DGKB: variants seen among roughly 807,000 people sequenced by gnomAD.
The protein encoded by DGKB is diacylglycerol kinase beta, also known as 90 kDa diacylglycerol kinase.
A neutral mutation model predicts 114.3 loss-of-function variants in DGKB; 67 were observed. That is an observed-to-expected ratio of 0.59 (90% CI 0.48 to 0.72). The LOEUF is 0.72. DGKB is among the 30% of genes least tolerant of loss of function. The pLI is 0.00. For synonymous variants in DGKB, 398 were observed against 323.1 expected, an observed-to-expected ratio of 1.23 and a Z score of -2.49; for missense variants, 907 against 975.2, an observed-to-expected ratio of 0.93 and a Z score of 0.93.
At chr7:14,887,233 G>A (rs1413972536) in intron 1 of DGKB, among the ~76,000 whole-genome samples, 4 of 151,764 alleles carry the variant, frequency 2.6e-5, no homozygotes, top group Non-Finnish European at 5.9e-5. Flanking sequence ...GGCCAGCAAA[G>A]ATCCATCTTT....
At chr7:14,380,213 C>T (rs1353558100) in intron 21 of DGKB, among the ~76,000 whole-genome samples, 5 of 151,410 alleles carry the variant, frequency 3.3e-5, no homozygotes, top group African/African-American at 1.2e-4. Flanking sequence ...ATTTAGAAAC[C>T]CCTTTTCAAT....
intron 2 of DGKB, among the ~76,000 whole-genome samples, chr7:14,776,420 G>T (rs1259769815): frequency 6.6e-6 from 1 of 152,194 alleles, no homozygotes; most frequent in Non-Finnish European, 1.5e-5. Flanking sequence ...ACCATCACAG[G>T]CCAGGAGGCC....
chr7:14,392,989 G>GTTTTTTTTTTTTTTTTT (rs776845811), intron 21 of DGKB, among the ~76,000 whole-genome samples: 11 of 10,178 alleles, frequency 1.1e-3, no homozygotes, highest in Admixed American at 2.0e-3. Context: ...CCTGTTTTTT[G>GTTTTTTTTTTTTTTTTT]TTTTTGTTTT....
chr7:14,412,852 G>A (rs1223963163), intron 21 of DGKB, among the ~76,000 whole-genome samples: 1 of 151,870 alleles, frequency 6.6e-6, no homozygotes, highest in Non-Finnish European at 1.5e-5. Context: ...GTGATGGTGC[G>A]TGCCTGTAAT....
intron 13 of DGKB, among the ~76,000 whole-genome samples, chr7:14,638,922 T>C (rs1297398974): frequency 1.3e-5 from 2 of 151,986 alleles, no homozygotes; most frequent in Non-Finnish European, 2.9e-5. Flanking sequence ...CTTGTAATCA[T>C]GGCTACTCAG....
chr7:14,364,271 C>T (rs1816265872), intron 21 of DGKB, among the ~76,000 whole-genome samples: 1 of 152,010 alleles, frequency 6.6e-6, no homozygotes, highest in Non-Finnish European at 1.5e-5. Flanking sequence ...CTGAAATTCC[C>T]TTCCTTTGCC....
At chr7:14,493,356 G>T (rs1024544845) in intron 20 of DGKB, among the ~76,000 whole-genome samples, 2 of 151,962 alleles carry the variant, frequency 1.3e-5, no homozygotes, top group African/African-American at 4.8e-5. Context: ...ACATACCTAT[G>T]ATAAAGTTTA....
intron 21 of DGKB, among the ~76,000 whole-genome samples, chr7:14,428,392 C>T (rs1341898804): frequency 6.6e-6 from 1 of 152,130 alleles, no homozygotes; most frequent in East Asian, 1.9e-4. Flanking sequence ...TGTCACTATA[C>T]ATTCTGAGGT....
chr7:14,690,973 A>G (rs773389831), intron 9 of DGKB, among the ~76,000 whole-genome samples: 1 of 152,160 alleles, frequency 6.6e-6, no homozygotes, highest in Non-Finnish European at 1.5e-5. Context: ...TGACCCATTC[A>G]TCTTGTATTT....
intron 20 of DGKB, among the ~76,000 whole-genome samples, chr7:14,571,780 A>G (rs1200675351): frequency 6.6e-6 from 1 of 152,202 alleles, no homozygotes; most frequent in Non-Finnish European, 1.5e-5. Flanking sequence ...ATGACAAAGA[A>G]AAGAAGACTT....
At chr7:14,946,033 T>C (rs902510469) in intron 1 of DGKB, among the ~76,000 whole-genome samples, 5 of 151,424 alleles carry the variant, frequency 3.3e-5, no homozygotes, top group African/African-American at 9.7e-5. Context: ...AATGAATATA[T>C]ATTAAACATC....
Position 14,341,888 on chromosome 7 carries a change from T to C in DGKB, c.1927-3178A>G, listed in dbSNP as rs190976146. Among the ~76,000 whole-genome samples the C allele has an allele frequency of 6.1e-3, 929 of 152,012 alleles. 8 individuals carry two copies. The highest frequency in any genetic ancestry group is 6.8e-3 in the Middle Eastern group (2 of 294). Reference sequence around the variant, plus strand: ...AGTGTGGATGGTAAATGTGATGAGATACAATTAATGATAAACTGTAATTTT... The same window carrying C: ...AGTGTGGATGGTAAATGTGATGAGACACAATTAATGATAAACTGTAATTTT... On this transcript the variant is annotated intron_variant, in intron 22 of 25. Transcript: ENST00000402815.
intron 21 of DGKB, among the ~76,000 whole-genome samples, chr7:14,444,506 G>A (rs1583986789): frequency 6.6e-6 from 1 of 151,742 alleles, no homozygotes; most frequent in East Asian, 1.9e-4. Context: ...ACAGTTACAA[G>A]TTTTGTAACT....
chr7:14,434,819 C>A (rs1370996869), intron 21 of DGKB, among the ~76,000 whole-genome samples: 1 of 152,052 alleles, frequency 6.6e-6, no homozygotes, highest in Non-Finnish European at 1.5e-5. Context: ...AGAAAGGGAA[C>A]AAGATGGGAA....
At chr7:14,596,416 C>G (rs777772990) in intron 17 of DGKB, among the ~76,000 whole-genome samples, 5 of 152,128 alleles carry the variant, frequency 3.3e-5, no homozygotes, top group East Asian at 1.9e-4. Flanking sequence ...GGCTCTGGAC[C>G]ATTTTTATCA....
In DGKB at chr7:14,693,034, T is replaced by C. The variant is rs372761517; in HGVS notation, c.711+1041A>G. Among the ~76,000 whole-genome samples, 418 of 152,294 alleles carry C rather than the reference T, an allele frequency of 2.7e-3. 3 individuals are homozygous for C. Among genetic ancestry groups the C allele is most frequent in the African/African-American group, 9.8e-3 (409 of 41,572 alleles). On this transcript the variant is annotated intron_variant, in intron 9 of 25. Coordinates refer to ENST00000402815, the MANE Select transcript of DGKB (RefSeq NM_001350709.2). ...CACAAACACAGACAGTAAGTTATCT[T>C]GAGAAATGACTTTTAAAAATTTGGT... is the stretch of plus-strand genomic sequence containing the variant.
intron 20 of DGKB, among the ~76,000 whole-genome samples, chr7:14,545,268 C>G (rs1386089467): frequency 6.6e-6 from 1 of 152,052 alleles, no homozygotes; most frequent in Non-Finnish European, 1.5e-5. Context: ...GTGAGAGACT[C>G]CCACTGAAGT....
chr7:14,323,819 G>T (rs764560985), intron 23 of DGKB, among the ~76,000 whole-genome samples: 11 of 152,112 alleles, frequency 7.2e-5, no homozygotes, highest in Admixed American at 2.0e-4. Context: ...TCTGGTCTTG[G>T]CATGATTATT....
rs565327479 is a variant in DGKB at position 14,706,319 on chromosome 7, G to C, written c.467-4589C>G. Reference sequence around the variant, plus strand: ...AGGAGCACCCAGATTCATAAAGCAAGTCCTGAGTGACCTACAAAGAGACTT... The same window carrying C: ...AGGAGCACCCAGATTCATAAAGCAACTCCTGAGTGACCTACAAAGAGACTT... On this transcript the variant is annotated intron_variant, in intron 6 of 25. Transcript: ENST00000402815. Among the ~76,000 whole-genome samples the C allele has an allele frequency of 7.4e-3, 1,042 of 140,668 alleles. 7 individuals are homozygous for C. The highest frequency in any genetic ancestry group is 0.011 in the Non-Finnish European group (688 of 65,006). The allele number at this position is 140,668 out of a possible 152,430, so 92.3% of individuals were successfully genotyped here. A position where few individuals can be genotyped will look rare whatever the true frequency, so the allele number is the denominator to read the frequency against.
Sources: gnomAD v4.1 joint callset for allele counts (sites outside exome capture counted in the v4.1 genomes callset) on GRCh38, gnomAD v4.1.1 for gene constraint, MANE v1.5 for transcripts, NCBI Gene and HGNC (gene_info 2026-07-23, HGNC 2026-07-21) for gene names.